The following BMP2K variants were observed in gnomAD, a reference collection of about 807,000 sequenced individuals.
BMP2K encodes the protein BMP-2-inducible protein kinase.
In BMP2K, 74 loss-of-function variants were observed where a neutral mutation model predicts 116.0. The observed-to-expected ratio is 0.64, with a 90% CI of 0.53 to 0.77. The LOEUF (loss-of-function observed/expected upper bound fraction) is 0.77, where lower values mean the gene tolerates loss of function less well. BMP2K is among the 30% of genes least tolerant of loss of function. The pLI is 0.00. For missense variants in BMP2K, 1,365 were observed against 1,403.6 expected, an observed-to-expected ratio of 0.97 and a Z score of 0.44; for synonymous variants, 486 against 502.5, an observed-to-expected ratio of 0.97 and a Z score of 0.44.
chr4:78,883,763 G>A (rs1451838828), intron 14 of BMP2K, among the ~76,000 whole-genome samples: 1 of 152,086 alleles, frequency 6.6e-6, no homozygotes, highest in Admixed American at 6.6e-5. Context: ...TATAGTAGTG[G>A]TTTAAATACG....
At chr4:78,903,555 ATT>A (rs1345881727) in intron 15 of BMP2K, among the ~76,000 whole-genome samples, 1 of 151,866 alleles carries the variant, frequency 6.6e-6, no homozygotes, top group East Asian at 1.9e-4. Context: ...GGTAAGTTCT[ATT>A]ATTGTCTCTA....
chr4:78,912,662 T>A lies in BMP2K; in HGVS notation c.*629T>A, dbSNP rs1734711355. 2 of 152,202 alleles carry A rather than the reference T, an allele frequency of 1.3e-5. No individual in the cohort carries two copies. Among genetic ancestry groups the A allele is most frequent in the Admixed American group, 1.3e-4 (2 of 15,272 alleles). 9.4% of individuals were successfully genotyped at this position (152,202 alleles called of 1,614,324 possible). On this transcript the variant is annotated 3_prime_UTR_variant, in exon 16 of 16. Transcript: ENST00000502613. ...AAAATGGAATATCTAATGATAAGCA[T>A]ATGAAATAATGTGTAATTAGCTCAA...
chr4:78,852,597 T>G (rs938336911), intron 7 of BMP2K, among the ~76,000 whole-genome samples: 1 of 152,108 alleles, frequency 6.6e-6, no homozygotes, highest in Admixed American at 6.6e-5. Context: ...CTTTGCAATT[T>G]TTTTCTTTTT....
intron 1 of BMP2K, among the ~76,000 whole-genome samples, chr4:78,779,171 A>G (rs1727387300): frequency 6.6e-6 from 1 of 152,206 alleles, no homozygotes; most frequent in African/African-American, 2.4e-5. Context: ...TGCTCCTACT[A>G]TGGTGTTAGA....
chr4:78,901,227 ATTAT>A (rs1560554284), intron 15 of BMP2K, among the ~76,000 whole-genome samples: 2 of 148,386 alleles, frequency 1.3e-5, no homozygotes, highest in African/African-American at 5.1e-5. Context: ...ATTTTATTTT[ATTAT>A]TTTTTTTTTT....
intron 1 of BMP2K, among the ~76,000 whole-genome samples, chr4:78,804,405 A>T (rs1375980720): frequency 1.3e-5 from 2 of 152,050 alleles, no homozygotes; most frequent in South Asian, 2.1e-4. Context: ...TTTACGTAAA[A>T]TTTTTTGCGT....
chr4:78,861,644 G>A (rs968962186), intron 9 of BMP2K, among the ~76,000 whole-genome samples, 176 bp downstream of exon 9: 1 of 151,924 alleles, frequency 6.6e-6, no homozygotes, highest in African/African-American at 2.4e-5. Flanking sequence ...AAAAATATTA[G>A]ATAAGGAGTC....
At chr4:78,869,270 C>T (rs1049700419) in intron 10 of BMP2K, among the ~76,000 whole-genome samples, 14 of 151,966 alleles carry the variant, frequency 9.2e-5, no homozygotes, top group South Asian at 4.1e-4. Flanking sequence ...CTGAGCTCTA[C>T]GTTGGCCCCT....
chr4:78,825,501 TA>T (rs1729826175), intron 1 of BMP2K, among the ~76,000 whole-genome samples: 1 of 152,244 alleles, frequency 6.6e-6, no homozygotes, highest in Admixed American at 6.5e-5. Flanking sequence ...GGGCTGACTT[TA>T]CATGTTCAAT....
chr4:78,827,272 T>A (rs888678501), intron 2 of BMP2K, among the ~76,000 whole-genome samples: 3 of 152,244 alleles, frequency 2.0e-5, no homozygotes, highest in African/African-American at 7.2e-5. Flanking sequence ...CTGAGCATTT[T>A]TGTATTCCAT....
chr4:78,805,111 CTTCA>C (rs1159905848), intron 1 of BMP2K, among the ~76,000 whole-genome samples: 1 of 152,088 alleles, frequency 6.6e-6, no homozygotes, highest in Non-Finnish European at 1.5e-5. Context: ...ATAGGTCAAA[CTTCA>C]TTCATTTGCA....
intron 14 of BMP2K, chr4:78,879,567 C>A: frequency 2.6e-6 from 1 of 380,660 alleles, no homozygotes; most frequent in Non-Finnish European, 3.6e-6. Flanking sequence ...AGTAGGTTGC[C>A]AAATAGGAGC....
intron 3 of BMP2K, among the ~76,000 whole-genome samples, chr4:78,841,048 A>G (rs113735612): frequency 6.6e-6 from 1 of 152,196 alleles, no homozygotes; most frequent in African/African-American, 2.4e-5. Context: ...CAGGTGCCCC[A>G]GTCTTGTGAG....
At chr4:78,867,372 A>G (rs757138211) in intron 10 of BMP2K, among the ~76,000 whole-genome samples, 4 of 152,112 alleles carry the variant, frequency 2.6e-5, no homozygotes, top group African/African-American at 4.8e-5. Context: ...TGATCCATCA[A>G]AGTCATAGTG....
chr4:78,838,406 C>G (rs1730598506), intron 3 of BMP2K, among the ~76,000 whole-genome samples: 1 of 152,182 alleles, frequency 6.6e-6, no homozygotes, highest in Admixed American at 6.5e-5. Flanking sequence ...TATTACAGAT[C>G]AGTTGCACCC....
At chr4:78,906,063 G>C (rs1200339963) in intron 15 of BMP2K, 1 of 151,984 alleles carries the variant, frequency 6.6e-6, no homozygotes, top group Non-Finnish European at 1.5e-5. Flanking sequence ...GTAGTTTCAT[G>C]ATGAATAGAT....
intron 15 of BMP2K, among the ~76,000 whole-genome samples, chr4:78,891,256 TTTC>T (rs1733420342): frequency 6.6e-6 from 1 of 151,994 alleles, no homozygotes. Flanking sequence ...CTGTGGTAGG[TTTC>T]TTCTTCTTCC....
In BMP2K at chr4:78,776,577, GGCGGCA is replaced by G. The variant is rs1489674282; in HGVS notation, c.40_45del (p.Ser14_Gly15del). 3.5e-6 allele frequency: 4 copies of G among 1,159,040 alleles called. No homozygotes were observed. The highest frequency in any genetic ancestry group is 4.2e-5 in the South Asian group (1 of 23,642). 71.8% of individuals were successfully genotyped at this position (1,159,040 alleles called of 1,614,324 possible). On this transcript the variant is annotated inframe_deletion, in exon 1 of 16. Coordinates refer to ENST00000502613, the MANE Select transcript of BMP2K (RefSeq NM_198892.2). ...GTTCTCTCGGATGCCCAAGTCGGAGGGCGGCAGCGGCGGCGGAGCGGCGGGTGGCGG... is the reference window on the plus strand; with the variant it reads ...GTTCTCTCGGATGCCCAAGTCGGAGGGCGGCGGCGGAGCGGCGGGTGGCGG...
chr4:78,849,593 A>G (rs1321015230), intron 6 of BMP2K, among the ~76,000 whole-genome samples: 1 of 151,616 alleles, frequency 6.6e-6, no homozygotes, highest in Non-Finnish European at 1.5e-5. Context: ...TACCATTAAT[A>G]GCATTTTTTT....
Sources: allele counts gnomAD v4.1 joint callset (sites outside exome capture counted in the v4.1 genomes callset), GRCh38; gene constraint gnomAD v4.1.1; transcripts MANE v1.5; gene names NCBI Gene and HGNC (gene_info 2026-07-23, HGNC 2026-07-21).